The following ACOXL variants were observed in gnomAD, a reference collection of about 807,000 sequenced individuals.
The protein encoded by ACOXL is acyl-CoA oxidase like.
ACOXL carries 70 observed loss-of-function variants against 71.9 expected under a neutral mutation model. The ratio of observed to expected loss-of-function variants is 0.97; its 90% CI spans 0.80 to 1.19. The LOEUF (loss-of-function observed/expected upper bound fraction) is 1.19, where lower values mean the gene tolerates loss of function less well. Among genes scored for constraint, ACOXL ranks in the 50% most tolerant of loss-of-function variants. ACOXL has a pLI of 0.00. For synonymous variants in ACOXL, 253 were observed against 281.6 expected, an observed-to-expected ratio of 0.90 and a Z score of 1.02; for missense variants, 703 against 736.3, an observed-to-expected ratio of 0.95 and a Z score of 0.52.
chr2:110,889,211 G>A (rs895000895), intron 10 of ACOXL, among the ~76,000 whole-genome samples: 1 of 152,174 alleles, frequency 6.6e-6, no homozygotes, highest in African/African-American at 2.4e-5. Flanking sequence ...AGTGCCACAT[G>A]GATGTCTAAA....
intron 12 of ACOXL, chr2:110,968,208 G>T (rs1278469698): frequency 9.3e-7 from 1 of 1,072,766 alleles, no homozygotes; most frequent in East Asian, 2.4e-5. Context: ...AAGTGTAGGT[G>T]ACTGGCAATG....
chr2:110,921,057 A>G (rs1421275464), intron 11 of ACOXL, among the ~76,000 whole-genome samples: 1 of 152,040 alleles, frequency 6.6e-6, no homozygotes, highest in Non-Finnish European at 1.5e-5. Context: ...TGCTTTTCAA[A>G]TTTATTTTAT....
intron 16 of ACOXL, among the ~76,000 whole-genome samples, chr2:111,065,657 C>A (rs776107353): frequency 2.6e-5 from 4 of 152,112 alleles, no homozygotes; most frequent in Non-Finnish European, 4.4e-5. Context: ...AAGGAACAAT[C>A]AAATGTAAAC....
At chr2:110,812,318 A>G (rs1379832793) in intron 9 of ACOXL, among the ~76,000 whole-genome samples, 3 of 152,144 alleles carry the variant, frequency 2.0e-5, no homozygotes, top group Non-Finnish European at 4.4e-5. Flanking sequence ...CCTTTTTGTA[A>G]CCTTTTATTT....
At position 110,880,325 on chromosome 2, in the gene ACOXL, C is replaced by T. The variant is rs566720281; in HGVS notation, c.789-28464C>T. On this transcript the variant is annotated intron_variant, in intron 10 of 17. Transcript: ENST00000439055. ...CTAGTCACAGGGAGCAAGTATCCTT[C>T]TCACCTACAATGCATTTAATTCGAA... Among the ~76,000 whole-genome samples the T allele has an allele frequency of 7.6e-4, 115 of 152,294 alleles. 4 individuals carry two copies. In the South Asian group the frequency reaches 0.024, roughly 32 times the overall value.
intron 15 of ACOXL, among the ~76,000 whole-genome samples, chr2:111,040,359 G>T (rs1029459322): frequency 1.3e-5 from 2 of 152,180 alleles, no homozygotes; most frequent in African/African-American, 4.8e-5. Context: ...AATAAACCTT[G>T]TAACTATGGA....
intron 1 of ACOXL, among the ~76,000 whole-genome samples, chr2:110,761,963 G>A (rs1680452498): frequency 6.6e-6 from 1 of 152,038 alleles, no homozygotes. Context: ...CTTCTGATTG[G>A]CTCTAGACTG....
intron 2 of ACOXL, among the ~76,000 whole-genome samples, chr2:110,772,026 A>C (rs1682009442): frequency 6.6e-6 from 1 of 152,234 alleles, no homozygotes; most frequent in African/African-American, 2.4e-5. Flanking sequence ...AAGTTGACTG[A>C]GTACATGTTC....
intron 1 of ACOXL, among the ~76,000 whole-genome samples, chr2:110,758,385 G>C (rs1356689310): frequency 3.3e-5 from 5 of 152,040 alleles, no homozygotes; most frequent in African/African-American, 9.7e-5. Context: ...GCTCCTTTTT[G>C]GTTCCATATG....
chr2:110,834,446 GA>G (rs1283277986), intron 9 of ACOXL, among the ~76,000 whole-genome samples: 3 of 152,202 alleles, frequency 2.0e-5, no homozygotes, highest in African/African-American at 7.2e-5. Flanking sequence ...GTAAGCCTAA[GA>G]AAAATGTATT....
At chr2:110,770,299 C>A (rs1681731635) in intron 2 of ACOXL, among the ~76,000 whole-genome samples, 1 of 152,214 alleles carries the variant, frequency 6.6e-6, no homozygotes, top group Non-Finnish European at 1.5e-5. Flanking sequence ...TAGTGGGGGC[C>A]TGGGATCCAT....
intron 14 of ACOXL, among the ~76,000 whole-genome samples, chr2:111,003,847 T>G (rs926496463): frequency 6.6e-6 from 1 of 152,144 alleles, no homozygotes; most frequent in Non-Finnish European, 1.5e-5. Flanking sequence ...ACCACAAAGA[T>G]TTTGAAAATA....
chr2:110,837,003 TA>T (rs1436550479), intron 9 of ACOXL, among the ~76,000 whole-genome samples: 1 of 152,224 alleles, frequency 6.6e-6, no homozygotes, highest in Non-Finnish European at 1.5e-5. Context: ...ATTTTCATAA[TA>T]AAAAACCCCA....
chr2:111,009,123 A>C (rs1035357191), intron 14 of ACOXL, among the ~76,000 whole-genome samples: 7 of 152,124 alleles, frequency 4.6e-5, no homozygotes, highest in African/African-American at 1.7e-4. Flanking sequence ...TTTTTATTGC[A>C]TCTGGACTTT....
intron 17 of ACOXL, among the ~76,000 whole-genome samples, chr2:111,111,620 T>C (rs2069971076): frequency 6.6e-6 from 1 of 152,240 alleles, no homozygotes; most frequent in Non-Finnish European, 1.5e-5. Context: ...TTTCCTCTTA[T>C]GAATCAGTAG....
chr2:110,961,141 T>C (rs2061686260), intron 12 of ACOXL, among the ~76,000 whole-genome samples: 1 of 152,198 alleles, frequency 6.6e-6, no homozygotes, highest in Non-Finnish European at 1.5e-5. Context: ...GACTTTGATT[T>C]TTCTCGTTGC....
At chr2:110,871,305 G>A (rs1243444654) in intron 10 of ACOXL, among the ~76,000 whole-genome samples, 1 of 152,070 alleles carries the variant, frequency 6.6e-6, no homozygotes, top group Admixed American at 6.6e-5. Flanking sequence ...TGTCCATTTT[G>A]GGCTGAGAAA....
At chr2:110,931,955 T>G (rs187972122) in intron 11 of ACOXL, among the ~76,000 whole-genome samples, 3 of 152,252 alleles carry the variant, frequency 2.0e-5, no homozygotes, top group Non-Finnish European at 4.4e-5. Context: ...ACATGTATTT[T>G]CTCTAAGAAT....
intron 7 of ACOXL, among the ~76,000 whole-genome samples, chr2:110,799,888 C>A (rs532563148): frequency 2.6e-4 from 39 of 152,154 alleles, no homozygotes; most frequent in Non-Finnish European, 4.9e-4. Flanking sequence ...GTAAAACTCA[C>A]CAATCAGCGC....
Sources: allele counts gnomAD v4.1 joint callset (sites outside exome capture counted in the v4.1 genomes callset), GRCh38; gene constraint gnomAD v4.1.1; transcripts MANE v1.5; gene names NCBI Gene and HGNC (gene_info 2026-07-23, HGNC 2026-07-21).